The following NWD2 variants were observed in gnomAD, a reference collection of about 807,000 sequenced individuals.
The protein encoded by NWD2 is NACHT and WD repeat domain containing 2, also known as NACHT and WD repeat domain-containing protein 2.
In NWD2, 37 loss-of-function variants were observed where a neutral mutation model predicts 132.7. That is an observed-to-expected ratio of 0.28 (90% CI 0.21 to 0.37). The LOEUF is 0.37. Ranked by LOEUF, NWD2 falls within the 10% of genes least tolerant of loss-of-function variation. NWD2 has a pLI of 1.00. For missense variants in NWD2, 1,592 were observed against 2,122.4 expected (o/e 0.75, Z 4.91); for synonymous variants, 705 against 803.0 (o/e 0.88, Z 2.06).
At chr4:37,342,545 T>C (rs970127494) in intron 2 of NWD2, among the ~76,000 whole-genome samples, 1 of 152,204 alleles carries the variant, frequency 6.6e-6, no homozygotes, top group Non-Finnish European at 1.5e-5. Flanking sequence ...GGCAGCCTGG[T>C]TCAAGTTCCT....
chr4:37,350,964 C>T (rs1719748492), intron 2 of NWD2, among the ~76,000 whole-genome samples: 1 of 151,898 alleles, frequency 6.6e-6, no homozygotes, highest in Admixed American at 6.6e-5. Context: ...GACATTGGTT[C>T]TGTTTATGTG....
chr4:37,401,612 G>T (rs186658905), intron 3 of NWD2, among the ~76,000 whole-genome samples: 1 of 152,190 alleles, frequency 6.6e-6, no homozygotes, highest in Non-Finnish European at 1.5e-5. Context: ...ATACACGTGT[G>T]ATTATGTTAG....
intron 2 of NWD2, among the ~76,000 whole-genome samples, chr4:37,328,361 C>T (rs1338525404): frequency 6.6e-6 from 1 of 152,088 alleles, no homozygotes; most frequent in Non-Finnish European, 1.5e-5. Flanking sequence ...CCATCATCTA[C>T]ATTAGCTATT....
At chr4:37,434,841 C>T (rs1577701731) in intron 5 of NWD2, among the ~76,000 whole-genome samples, 1 of 149,358 alleles carries the variant, frequency 6.7e-6, no homozygotes, top group African/African-American at 2.5e-5. Context: ...AAGTTGGGCA[C>T]AGGCCATAAT....
At chr4:37,356,786 C>T (rs1209596029) in intron 3 of NWD2, among the ~76,000 whole-genome samples, 1 of 152,190 alleles carries the variant, frequency 6.6e-6, no homozygotes. Flanking sequence ...TTCAGACCTA[C>T]AATAATTATC....
chr4:37,328,127 G>A (rs1719211850), intron 2 of NWD2, among the ~76,000 whole-genome samples: 1 of 152,020 alleles, frequency 6.6e-6, no homozygotes, highest in Admixed American at 6.6e-5. Context: ...ATTCATACTT[G>A]AGAATTTTAC....
intron 3 of NWD2, among the ~76,000 whole-genome samples, chr4:37,405,421 T>TAATAGAATAGAATAGAATAG (rs36213513): frequency 2.0e-4 from 28 of 141,414 alleles, no homozygotes; most frequent in African/African-American, 2.7e-4. Flanking sequence ...TAGTTGAATG[T>TAATAGAATAGAATAGAATAG]AATAGAATAG....
Position 37,430,895 on chromosome 4 carries a change from G to T in NWD2, c.561+120G>T, listed in dbSNP as rs1712158782. The T allele has an allele frequency of 9.8e-6, 8 of 819,080 alleles. No homozygotes were observed. The East Asian group carries it at 1.9e-4, about 19-fold the overall frequency. 50.7% of individuals were successfully genotyped at this position (819,080 alleles called of 1,614,324 possible). A position where few individuals can be genotyped will look rare whatever the true frequency, so the allele number is the denominator to read the frequency against. On this transcript the variant is annotated intron_variant, in intron 4 of 6. Transcript: ENST00000309447. ...GTAGACAGAAAGTTACTCTGCCCTA[G>T]GCCCCAGGTTTTCCTTTTAACAACT...
chr4:37,340,442 G>C (rs1719495121), intron 2 of NWD2, among the ~76,000 whole-genome samples: 1 of 152,198 alleles, frequency 6.6e-6, no homozygotes, highest in Non-Finnish European at 1.5e-5. Context: ...CTCTGTACCA[G>C]GCAGAGTTGT....
chr4:37,255,237 G>A (rs550879177), intron 1 of NWD2, among the ~76,000 whole-genome samples: 2 of 152,278 alleles, frequency 1.3e-5, no homozygotes, highest in South Asian at 2.1e-4. Flanking sequence ...TACATTCAAA[G>A]GCTGATTGGA....
intron 3 of NWD2, among the ~76,000 whole-genome samples, chr4:37,410,492 T>C (rs995359735): frequency 6.6e-6 from 1 of 152,164 alleles, no homozygotes; most frequent in Non-Finnish European, 1.5e-5. Context: ...AGCACCAGAT[T>C]CATAAAGCAA....
In NWD2 at chr4:37,312,468, T is replaced by A. The variant is rs1718866865; in HGVS notation, c.152-13468T>A. 3.3e-5 allele frequency among the ~76,000 whole-genome samples: 5 copies of A among 151,146 alleles called. No individual in the cohort carries two copies. The South Asian group carries it at 1.0e-3, about 31-fold the overall frequency. The stretch of plus-strand genomic sequence containing the variant: ...TGTATAGGAATGCTTGTGATTTTTA[T>A]ACATCGATTTTGTATCCTGAGACTT... On this transcript the variant is annotated intron_variant, in intron 1 of 6. Coordinates refer to ENST00000309447, the MANE Select transcript of NWD2 (RefSeq NM_001144990.2).
chr4:37,424,997 G>A (rs1711953445), intron 3 of NWD2, among the ~76,000 whole-genome samples: 2 of 151,728 alleles, frequency 1.3e-5, no homozygotes, highest in African/African-American at 4.8e-5. Context: ...TTGAGAGGAG[G>A]GAAAATGTTA....
intron 1 of NWD2, among the ~76,000 whole-genome samples, chr4:37,253,263 T>C (rs1717429638): frequency 1.3e-5 from 2 of 152,198 alleles, no homozygotes; most frequent in Admixed American, 1.3e-4. Flanking sequence ...AGATAGAAGA[T>C]CAAAATATCA....
intron 1 of NWD2, among the ~76,000 whole-genome samples, chr4:37,310,783 C>T (rs372078851): frequency 2.0e-5 from 2 of 100,294 alleles, no homozygotes; most frequent in Non-Finnish European, 3.8e-5. Flanking sequence ...TCCCTCCCCC[C>T]TCCCCCCACC....
chr4:37,338,306 G>A (rs1484617211), intron 2 of NWD2, among the ~76,000 whole-genome samples: 1 of 152,218 alleles, frequency 6.6e-6, no homozygotes, highest in African/African-American at 2.4e-5. Flanking sequence ...GCATCACTGG[G>A]GACTGGGCCC....
At position 37,386,819 on chromosome 4, in the gene NWD2, C is replaced by T. The variant is rs183343102; in HGVS notation, c.357+30337C>T. Among the ~76,000 whole-genome samples the T allele has an allele frequency of 1.2e-4, 18 of 149,676 alleles. No homozygotes were observed. In the East Asian group the frequency reaches 3.3e-3, roughly 27 times the overall value. On this transcript the variant is annotated intron_variant, in intron 3 of 6. Transcript: ENST00000309447. The stretch of plus-strand genomic sequence containing the variant: ...TACCATTCCCACAGTAATGGATTCA[C>T]GCAAGATCTGGTTGTGAAAGAGATT...
intron 1 of NWD2, among the ~76,000 whole-genome samples, chr4:37,249,169 T>C (rs1717303087): frequency 6.6e-6 from 1 of 152,232 alleles, no homozygotes; most frequent in Non-Finnish European, 1.5e-5. Flanking sequence ...GTGGCTGTTG[T>C]ATCAGATAGC....
chr4:37,365,334 AG>A (rs1286491731), intron 3 of NWD2, among the ~76,000 whole-genome samples: 1 of 152,196 alleles, frequency 6.6e-6, no homozygotes, highest in Non-Finnish European at 1.5e-5. Context: ...TTTAAAGTGC[AG>A]GGGGGTTTGT....
Sources: allele counts gnomAD v4.1 joint callset (sites outside exome capture counted in the v4.1 genomes callset), GRCh38; gene constraint gnomAD v4.1.1; transcripts MANE v1.5; gene names NCBI Gene and HGNC (gene_info 2026-07-23, HGNC 2026-07-21).